The following OPCML variants were observed in gnomAD, a reference collection of about 807,000 sequenced individuals.
OPCML encodes the protein opioid-binding protein/cell adhesion molecule.
OPCML carries 13 observed loss-of-function variants against 37.8 expected under a neutral mutation model. That is an observed-to-expected ratio of 0.34 (90% CI 0.22 to 0.55). The LOEUF is 0.55. OPCML is among the 20% of genes least tolerant of loss of function. OPCML has a pLI of 0.91. For synonymous variants in OPCML, 176 were observed against 168.8 expected, an observed-to-expected ratio of 1.04 and a Z score of -0.33; for missense variants, 341 against 435.6, an observed-to-expected ratio of 0.78 and a Z score of 1.93.
At position 132,476,970 on chromosome 11, in the gene OPCML, T is replaced by C. The variant is rs371949715; in HGVS notation, c.506-39611A>G. 1.6e-4 allele frequency among the ~76,000 whole-genome samples: 24 copies of C among 152,348 alleles called. No homozygotes were observed. The South Asian group carries it at 5.0e-3, about 32-fold the overall frequency. On this transcript the variant is annotated intron_variant, in intron 4 of 7. Transcript: ENST00000524381. The stretch of plus-strand genomic sequence containing the variant: ...AAATTGAATGCAAGTGTCCTTTTAA[T>C]CTGAGTATCCATTATGCTGAATTAA...
At chr11:133,419,603 T>C (rs1377626248) in intron 1 of OPCML, among the ~76,000 whole-genome samples, 1 of 152,236 alleles carries the variant, frequency 6.6e-6, no homozygotes, top group African/African-American at 2.4e-5. Context: ...AATGGTTTGC[T>C]ACTGTGCCCC....
chr11:132,614,010 A>G (rs1938828461), intron 3 of OPCML, among the ~76,000 whole-genome samples: 1 of 152,138 alleles, frequency 6.6e-6, no homozygotes, highest in Admixed American at 6.5e-5. Flanking sequence ...AAGTCAATCT[A>G]TGTTAACTAA....
At chr11:133,420,715 C>T in intron 1 of OPCML, 2 of 985,392 alleles carry the variant, frequency 2.0e-6, no homozygotes, top group Non-Finnish European at 1.2e-6. Context: ...TGTCCAGTGG[C>T]ATGTCAAGGG....
At chr11:132,426,254 T>C (rs970655658) in intron 7 of OPCML, among the ~76,000 whole-genome samples, 2 of 152,118 alleles carry the variant, frequency 1.3e-5, no homozygotes, top group African/African-American at 2.4e-5. Context: ...GTTTCAGAAA[T>C]GACAAAGGGA....
chr11:133,368,323 G>A (rs936939430), intron 1 of OPCML, among the ~76,000 whole-genome samples: 2 of 151,906 alleles, frequency 1.3e-5, no homozygotes, highest in African/African-American at 2.4e-5. Flanking sequence ...AAGAGGTGAG[G>A]GAGAGGGAGA....
chr11:132,608,548 C>T lies in OPCML; in HGVS notation c.379+48539G>A, dbSNP rs75829537. On this transcript the variant is annotated intron_variant, in intron 3 of 7. Coordinates refer to ENST00000524381, the MANE Select transcript of OPCML (RefSeq NM_001012393.5). Reference sequence around the variant, plus strand: ...GAACCCAGACTCCAGGGTGTCAGTCCCAGCTTTGCTGAAGATGCTGGGCAA... The same window carrying T: ...GAACCCAGACTCCAGGGTGTCAGTCTCAGCTTTGCTGAAGATGCTGGGCAA... Among the ~76,000 whole-genome samples the T allele has an allele frequency of 0.012, 1,798 of 152,240 alleles. 132 individuals carry two copies. In the East Asian group the frequency reaches 0.21, roughly 18 times the overall value.
intron 1 of OPCML, among the ~76,000 whole-genome samples, chr11:133,151,578 A>G (rs914935623): frequency 1.3e-5 from 2 of 152,204 alleles, no homozygotes; most frequent in African/African-American, 2.4e-5. Flanking sequence ...TTGGATGAGG[A>G]AAGTGCAGTT....
At chr11:133,367,348 G>A (rs1050787466) in intron 1 of OPCML, among the ~76,000 whole-genome samples, 3 of 152,068 alleles carry the variant, frequency 2.0e-5, no homozygotes, top group Admixed American at 6.5e-5. Context: ...TGCTCCAACC[G>A]CCATCTCCTA....
At chr11:133,396,774 T>C (rs1370026270) in intron 1 of OPCML, among the ~76,000 whole-genome samples, 2 of 152,212 alleles carry the variant, frequency 1.3e-5, no homozygotes, top group Non-Finnish European at 2.9e-5. Context: ...TTTGTATCTT[T>C]GTGTGCTCAA....
intron 3 of OPCML, among the ~76,000 whole-genome samples, chr11:132,641,985 A>G (rs999861056): frequency 9.2e-5 from 14 of 152,118 alleles, no homozygotes; most frequent in African/African-American, 3.4e-4. Context: ...TTCTTTTGAA[A>G]CTAGAGAATA....
intron 1 of OPCML, among the ~76,000 whole-genome samples, chr11:133,335,516 G>A (rs978774788): frequency 7.2e-5 from 11 of 152,242 alleles, no homozygotes; most frequent in Admixed American, 2.0e-4. Flanking sequence ...AGGCAAACTC[G>A]GTGGGCTATG....
intron 2 of OPCML, among the ~76,000 whole-genome samples, chr11:132,864,780 C>T (rs1490873717): frequency 2.6e-5 from 4 of 152,214 alleles, no homozygotes; most frequent in African/African-American, 9.6e-5. Flanking sequence ...AAACATCTAT[C>T]TATTTTTTTC....
chr11:132,450,484 GC>G (rs1448784280), intron 4 of OPCML, among the ~76,000 whole-genome samples: 1 of 152,142 alleles, frequency 6.6e-6, no homozygotes, highest in Non-Finnish European at 1.5e-5. Flanking sequence ...TTTTAGGGCT[GC>G]CCGTAGAGGG....
chr11:133,371,731 A>T (rs931520204), intron 1 of OPCML, among the ~76,000 whole-genome samples: 1 of 152,196 alleles, frequency 6.6e-6, no homozygotes, highest in Admixed American at 6.5e-5. Flanking sequence ...TTTATAGATT[A>T]CCCAGTATCA....
At chr11:132,739,980 A>G (rs1416746541) in intron 2 of OPCML, among the ~76,000 whole-genome samples, 1 of 152,118 alleles carries the variant, frequency 6.6e-6, no homozygotes, top group African/African-American at 2.4e-5. Flanking sequence ...GTGTTATTTG[A>G]TTTGTGTCTA....
At chr11:132,535,288 G>A (rs1405582641) in intron 3 of OPCML, among the ~76,000 whole-genome samples, 1 of 152,004 alleles carries the variant, frequency 6.6e-6, no homozygotes, top group African/African-American at 2.4e-5. Flanking sequence ...AATGCACAGG[G>A]AAAATCTCAC....
intron 1 of OPCML, among the ~76,000 whole-genome samples, chr11:133,499,959 C>T (rs185496040): frequency 0.022 from 3,313 of 147,726 alleles, 124 homozygotes; most frequent in African/African-American, 0.078. Context: ...GCAACCTCCG[C>T]CCCCCGGGTT....
intron 2 of OPCML, among the ~76,000 whole-genome samples, chr11:132,666,416 A>G (rs1942221137): frequency 6.6e-6 from 1 of 150,862 alleles, no homozygotes; most frequent in Non-Finnish European, 1.5e-5. Context: ...GGAGGGCACC[A>G]TATCATTCAT....
intron 4 of OPCML, among the ~76,000 whole-genome samples, chr11:132,454,018 C>T (rs1474193005): frequency 6.6e-6 from 1 of 152,180 alleles, no homozygotes; most frequent in East Asian, 1.9e-4. Context: ...TTTGCCTTCT[C>T]AACATAGTTT....
Sources: gnomAD v4.1 joint callset for allele counts (sites outside exome capture counted in the v4.1 genomes callset) on GRCh38, gnomAD v4.1.1 for gene constraint, MANE v1.5 for transcripts, NCBI Gene and HGNC (gene_info 2026-07-23, HGNC 2026-07-21) for gene names.